EHF: variants seen among roughly 807,000 people sequenced by gnomAD.
EHF encodes the protein ESE3 transcription factor.
In EHF, 14 loss-of-function variants were observed where a neutral mutation model predicts 45.1. That is an observed-to-expected ratio of 0.31 (90% confidence interval 0.21 to 0.49). EHF has a LOEUF of 0.49. Among genes scored for constraint, EHF ranks in the 20% least tolerant of loss-of-function variants. The pLI is 0.99. For missense variants in EHF, 282 were observed against 371.4 expected (o/e 0.76, Z 1.98); for synonymous variants, 136 against 131.8 (o/e 1.03, Z -0.22).
At chr11:34,653,409 C>T (rs188288016) in intron 6 of EHF, among the ~76,000 whole-genome samples, 102 of 152,316 alleles carry the variant, frequency 6.7e-4, no homozygotes, top group African/African-American at 2.3e-3. Flanking sequence ...GCCTTAGAGG[C>T]CAGTTTCTGC....
intron 1 of EHF, chr11:34,624,444 T>C (rs2133964814): frequency 3.1e-6 from 1 of 325,876 alleles, no homozygotes; most frequent in Non-Finnish European, 4.4e-6. Flanking sequence ...TTAACTTTAT[T>C]TGACATTTTT....
chr11:34,646,694 T>C lies in EHF; in HGVS notation c.343+10T>C. The C allele has an allele frequency of 3.7e-6, 6 of 1,605,796 alleles. No individual in the cohort carries two copies. Among genetic ancestry groups the C allele is most frequent in the Non-Finnish European group, 5.1e-6 (6 of 1,179,916 alleles). ...CATCTGAAGTGGAACGGTGACTCTC[T>C]CTTTCTGTGTCTCTCCCTACCCTGC... is the stretch of plus-strand genomic sequence containing the variant. On this transcript the variant is annotated intron_variant, in intron 3 of 8. Coordinates refer to ENST00000257831, the MANE Select transcript of EHF (RefSeq NM_012153.6).
Position 34,640,192 on chromosome 11 carries a change from G to A in EHF, c.-3-2436G>A, listed in dbSNP as rs1301251691. 4.6e-5 allele frequency among the ~76,000 whole-genome samples: 7 copies of A among 152,146 alleles called. No homozygotes were observed. In the South Asian group the frequency reaches 1.5e-3, roughly 32 times the overall value. ...GGTTCAGGGTCACCCACAGTAAGCA[G>A]GGGAACTGGAATCTGAGCCTGCATC... On this transcript the variant is annotated intron_variant, in intron 1 of 8. Transcript: ENST00000257831.
chr11:34,623,775 C>T lies in EHF; in HGVS notation c.-4+2547C>T, dbSNP rs781017674. Among the ~76,000 whole-genome samples the T allele has an allele frequency of 3.3e-5, 5 of 152,278 alleles. No homozygotes were observed. The East Asian group carries it at 5.8e-4, about 18-fold the overall frequency. On this transcript the variant is annotated intron_variant, in intron 1 of 8. Transcript: ENST00000257831. ...TTCCTCTATATCTTTCCCATGCCCC[C>T]GACCCACCCAATCTCCACAAATTTG...
In EHF at chr11:34,658,540, A is replaced by G; in HGVS notation, c.615A>G (p.Arg205=). The change falls in exon 8 of 9, where the codon AGA becomes AGG. Residue 205 remains arginine, a synonymous_variant. Transcript: ENST00000257831. ...CTTTCTGCTTTTCATCAGACCCGAGAGGGACTCACTTATGGGAATTCATCC... is the reference window on the plus strand; with the variant it reads ...CTTTCTGCTTTTCATCAGACCCGAGGGGGACTCACTTATGGGAATTCATCC... ...AKCHTKKHNP[R]GTHLWEFIRD... is the part of the protein sequence containing the mutation. 1 of 1,612,696 alleles carries G rather than the reference A, an allele frequency of 6.2e-7. No homozygotes were observed. Among genetic ancestry groups the G allele is most frequent in the Non-Finnish European group, 8.5e-7 (1 of 1,179,198 alleles).
At chr11:34,651,171 C>A (rs563678263) in intron 4 of EHF, among the ~76,000 whole-genome samples, 1 of 151,728 alleles carries the variant, frequency 6.6e-6, no homozygotes, top group African/African-American at 2.4e-5. Context: ...GCCTTCCCCC[C>A]CACCACACTC....
Position 34,659,205 on chromosome 11 carries a change from G to A in EHF, c.*274G>A, listed in dbSNP as rs1830961535. 3.5e-6 allele frequency: 1 copy of A among 285,874 alleles called. No individual in the cohort carries two copies. The highest frequency in any genetic ancestry group is 9.2e-5 in the South Asian group (1 of 10,876). 17.7% of individuals were successfully genotyped at this position (285,874 alleles called of 1,614,324 possible). The stretch of plus-strand genomic sequence containing the variant: ...GTTGTGATTTTTTTTCACCTCTATT[G>A]TGAATTCTTTTTCACTGCAAGAGTA... On this transcript the variant is annotated 3_prime_UTR_variant, in exon 9 of 9. Transcript: ENST00000257831.
intron 4 of EHF, among the ~76,000 whole-genome samples, chr11:34,650,116 T>C (rs918515963): frequency 2.6e-5 from 4 of 152,178 alleles, no homozygotes; most frequent in African/African-American, 9.7e-5. Context: ...GTCAGGAGGA[T>C]GGCACCCCCT....
intron 6 of EHF, among the ~76,000 whole-genome samples, chr11:34,652,354 C>T (rs1189499999): frequency 6.6e-6 from 1 of 152,140 alleles, no homozygotes; most frequent in Admixed American, 6.5e-5. Flanking sequence ...GTCAGAGCAC[C>T]TGCATTTTAT....
At position 34,651,597 on chromosome 11, in the gene EHF, T is replaced by C. The variant is rs1331987328; in HGVS notation, c.462T>C (p.Tyr154=). 2 of 1,613,956 alleles carry C rather than the reference T, an allele frequency of 1.2e-6. No individual in the cohort carries two copies. The highest frequency in any genetic ancestry group is 1.7e-5 in the Admixed American group (1 of 60,024). The change falls in exon 5 of 9, where the codon TAT becomes TAC. Residue 154 remains tyrosine (Y), a synonymous_variant. Transcript: ENST00000257831. ...AGAACTATTTATATGACACCAACTA[T>C]GGTAGCACAGTAGGTAACTAACTCC... is the stretch of plus-strand genomic sequence containing the variant. The part of the protein sequence containing the change: ...KDENYLYDTN[Y]GSTVDLLDSK...
chr11:34,646,990 C>A (rs1343101523), intron 3 of EHF: 1 of 416,398 alleles, frequency 2.4e-6, no homozygotes, highest in Non-Finnish European at 4.2e-6. Flanking sequence ...AAAATGTTTT[C>A]TTTCCTTTGC....
intron 1 of EHF, 90 bp downstream of exon 1, chr11:34,621,318 C>G (rs539209994): frequency 2.0e-5 from 3 of 152,360 alleles, no homozygotes; most frequent in Admixed American, 2.0e-4. Context: ...ACAGATGAAA[C>G]TAGAACAGAC....
At chr11:34,635,763 G>C (rs1853342212) in intron 1 of EHF, among the ~76,000 whole-genome samples, 3 of 130,428 alleles carry the variant, frequency 2.3e-5, no homozygotes, top group South Asian at 2.6e-4. Flanking sequence ...CAAAGCCTTT[G>C]ACAACACAGA....
Position 34,662,192 on chromosome 11 carries a change from A to G in EHF, c.*3261A>G, listed in dbSNP as rs1856125496. 6.6e-6 allele frequency among the ~76,000 whole-genome samples: 1 copy of G among 152,158 alleles called. No individual in the cohort carries two copies. Among genetic ancestry groups the G allele is most frequent in the Non-Finnish European group, 1.5e-5 (1 of 68,020 alleles). ...ACATATTTGTTCAATGAATGAATGA[A>G]TGTCTTCTAAAAGACTCCTCTGATT... On this transcript the variant is annotated 3_prime_UTR_variant, in exon 9 of 9. Transcript: ENST00000257831.
rs1856190764 is a variant in EHF at position 34,663,194 on chromosome 11, C to G, written c.*4263C>G. 6.6e-6 allele frequency among the ~76,000 whole-genome samples: 1 copy of G among 151,852 alleles called. No homozygotes were observed. The highest frequency in any genetic ancestry group is 6.6e-5 in the Admixed American group (1 of 15,214). On this transcript the variant is annotated 3_prime_UTR_variant, in exon 9 of 9. Coordinates refer to ENST00000257831, the MANE Select transcript of EHF (RefSeq NM_012153.6). ...TAAATTCAAACTATTCCTGCTATTC[C>G]TGTTTTGTCAAAGAATTATATTTTT... is the stretch of plus-strand genomic sequence containing the variant.
chr11:34,638,184 G>A (rs1400323679), intron 1 of EHF, among the ~76,000 whole-genome samples: 2 of 152,354 alleles, frequency 1.3e-5, no homozygotes, highest in East Asian at 3.9e-4. Context: ...TTACAGGCGT[G>A]AGCCATCGCA....
chr11:34,639,729 A>G (rs1853795228), intron 1 of EHF, among the ~76,000 whole-genome samples: 1 of 152,232 alleles, frequency 6.6e-6, no homozygotes, highest in Non-Finnish European at 1.5e-5. Flanking sequence ...ATGAGTGGAA[A>G]CCACTTAATG....
chr11:34,637,811 A>T (rs1014655866), intron 1 of EHF, among the ~76,000 whole-genome samples: 15 of 151,908 alleles, frequency 9.9e-5, no homozygotes, highest in Admixed American at 9.9e-4. Flanking sequence ...AATCAAATAC[A>T]CTTCCCTCCA....
rs1403803236 is a variant in EHF, at chr11:34,662,320, T to C, written c.*3389T>C. 2.6e-5 allele frequency among the ~76,000 whole-genome samples: 4 copies of C among 152,072 alleles called. No homozygotes were observed. Among genetic ancestry groups the C allele is most frequent in the Non-Finnish European group, 5.9e-5 (4 of 67,998 alleles). On this transcript the variant is annotated 3_prime_UTR_variant, in exon 9 of 9. Transcript: ENST00000257831. ...ATATTATCTACTATGAACATTTTAC[T>C]GTGAGACTCTTTATTTTGCCTTCTA...
Sources: gnomAD v4.1 joint callset for allele counts (sites outside exome capture counted in the v4.1 genomes callset) on GRCh38, gnomAD v4.1.1 for gene constraint, MANE v1.5 for transcripts, NCBI Gene and HGNC (gene_info 2026-07-23, HGNC 2026-07-21) for gene names.